ERCC1: variants seen among roughly 807,000 people sequenced by gnomAD.
The protein encoded by ERCC1 is DNA excision repair protein ERCC-1.
Under a neutral mutation model 37.6 loss-of-function variants are expected in ERCC1, and 36 were observed. The ratio of observed to expected loss-of-function variants is 0.96; its 90% CI spans 0.73 to 1.26. The LOEUF (loss-of-function observed/expected upper bound fraction) is 1.26. ERCC1 is among the 50% of genes most tolerant of loss of function. ERCC1 has a pLI of 0.00. For synonymous variants in ERCC1, 156 were observed against 162.1 expected (o/e 0.96, Z 0.28); for missense variants, 349 against 376.5 (o/e 0.93, Z 0.60).
intron 9 of ERCC1, among the ~76,000 whole-genome samples, chr19:45,411,020 C>CACCACGTTGGCCAGGCTGGTCTTT: frequency 6.6e-6 from 1 of 152,268 alleles, no homozygotes; most frequent in East Asian, 1.9e-4. Flanking sequence ...GACAAGGTTT[C>CACCACGTTGGCCAGGCTGGTCTTT]ACCACGTTGG....
chr19:45,414,074 G>A (rs775908462), intron 7 of ERCC1, 40 bp from the exon 8 acceptor site: 22 of 1,555,840 alleles, frequency 1.4e-5, no homozygotes, highest in African/African-American at 2.7e-5. Context: ...GAAGAAGAAA[G>A]GCCAGCAAGA....
intron 5 of ERCC1, among the ~76,000 whole-genome samples, chr19:45,417,464 A>G (rs1451880238): frequency 1.3e-5 from 2 of 152,210 alleles, no homozygotes; most frequent in Non-Finnish European, 2.9e-5. Flanking sequence ...GGAGACCAGA[A>G]AAGGGAATTC....
chr19:45,435,836 C>T (rs557734429), intron 1 of ERCC1, among the ~76,000 whole-genome samples: 1 of 152,288 alleles, frequency 6.6e-6, no homozygotes, highest in South Asian at 2.1e-4. Context: ...TCTTGGCTCA[C>T]TGCAACCTCT....
intron 1 of ERCC1, among the ~76,000 whole-genome samples, chr19:45,431,569 T>C (rs1317925436): frequency 6.6e-6 from 1 of 151,492 alleles, no homozygotes; most frequent in Non-Finnish European, 1.5e-5. Context: ...CCCAGCTACT[T>C]GGGAGGCTAA....
chr19:45,408,533 G>A lies in ERCC1; in HGVS notation c.*1142C>T, dbSNP rs752873305. 2 of 1,614,054 alleles carry A rather than the reference G, an allele frequency of 1.2e-6. No individual in the cohort carries two copies. The highest frequency in any genetic ancestry group is 1.1e-5 in the South Asian group (1 of 91,084). ...GGTGACAGAGGCCCCAGTCACTCAG[G>A]AGGCAGTGAATGGGCACGGGGCCCT... On this transcript the variant is annotated 3_prime_UTR_variant, in exon 10 of 10. Transcript: ENST00000300853.
At chr19:45,418,068 TA>T (rs927794645) in intron 5 of ERCC1, among the ~76,000 whole-genome samples, 8 of 147,192 alleles carry the variant, frequency 5.4e-5, no homozygotes, top group Non-Finnish European at 6.0e-5. Flanking sequence ...CTCTAAAAAT[TA>T]AAAAAAAAAA....
In ERCC1 at chr19:45,444,623, C is replaced by T. The variant is rs552761948; in HGVS notation, c.-7-21242G>A. Among the ~76,000 whole-genome samples the T allele has an allele frequency of 1.5e-3, 222 of 152,276 alleles. 1 individual carries two copies. In the Middle Eastern group the frequency reaches 0.017, roughly 12 times the overall value. On this transcript the variant is annotated intron_variant, in intron 1 of 8. Coordinates refer to the ERCC1 transcript ENST00000423698. ...AGAGGAGATACAGAGATCAGGGCCC[C>T]GGAGCAAGAAATTCGGAGACATGCG...
At chr19:45,416,076 A>G (rs996696077) in intron 6 of ERCC1, among the ~76,000 whole-genome samples, 2 of 152,176 alleles carry the variant, frequency 1.3e-5, no homozygotes, top group Non-Finnish European at 2.9e-5. Context: ...TTGAGGCTTC[A>G]GTAACCTGTG....
chr19:45,429,499 A>G (rs1168849224), intron 1 of ERCC1, among the ~76,000 whole-genome samples: 1 of 152,054 alleles, frequency 6.6e-6, no homozygotes, highest in African/African-American at 2.4e-5. Context: ...ATAAAGACAG[A>G]ATGGAGGACC....
chr19:45,423,456 C>CA, intron 1 of ERCC1, 75 bp from the exon 2 acceptor site: 1 of 1,533,664 alleles, frequency 6.5e-7, no homozygotes, highest in Non-Finnish European at 8.7e-7. Flanking sequence ...ACCCCCCACT[C>CA]ACAGCCGTCC....
chr19:45,414,252 G>A lies in ERCC1; in HGVS notation c.703-218C>T, dbSNP rs189281685. On this transcript the variant is annotated intron_variant, in intron 7 of 9. Coordinates refer to ENST00000300853, the MANE Select transcript of ERCC1 (RefSeq NM_001983.4). Reference sequence around the variant, plus strand: ...AGCACTTTCGAGGCCGAGGCGGGAGGATCACCTGAGGCCAGGAGTTCAAGA... The same window carrying A: ...AGCACTTTCGAGGCCGAGGCGGGAGAATCACCTGAGGCCAGGAGTTCAAGA... The A allele has an allele frequency of 5.4e-5, 32 of 595,826 alleles. No homozygotes were observed. In the African/African-American group the frequency reaches 5.9e-4, roughly 11 times the overall value. 36.9% of individuals were successfully genotyped at this position (595,826 alleles called of 1,614,324 possible). A position where few individuals can be genotyped will look rare whatever the true frequency, so the allele number is the denominator to read the frequency against.
chr19:45,436,407 A>T (rs1974978332), intron 1 of ERCC1, among the ~76,000 whole-genome samples: 1 of 152,088 alleles, frequency 6.6e-6, no homozygotes, highest in African/African-American at 2.4e-5. Context: ...CGGGCGGATC[A>T]CGAGGTCAAG....
At position 45,423,253 on chromosome 19, in the gene ERCC1, G is replaced by A. The variant is rs773573686; in HGVS notation, c.105+17C>T. On this transcript the variant is annotated intron_variant, in intron 2 of 9. Transcript: ENST00000300853. ...CAGCCCCCAGCCTCCCAGGGGCCCC[G>A]CATCTCCTTGTCCTACCACTCCAGG... The A allele has an allele frequency of 6.2e-7, 1 of 1,608,432 alleles. No homozygotes were observed. Among genetic ancestry groups the A allele is most frequent in the Non-Finnish European group, 8.5e-7 (1 of 1,177,450 alleles).
At chr19:45,440,228 C>T (rs965591419) in intron 1 of ERCC1, among the ~76,000 whole-genome samples, 2 of 151,430 alleles carry the variant, frequency 1.3e-5, no homozygotes, top group African/African-American at 4.9e-5. Context: ...CATCATAACT[C>T]CCCCCTCCCC....
Position 45,413,969 on chromosome 19 carries a change from T to A in ERCC1, c.768A>T (p.Thr256=), listed in dbSNP as rs918984898. ...CAGGGGAGCCATTCCTTACTCCAAA[T>A]GTGGTCAGGAGGGTCTGACTGTCCG... ...NKTDSQTLLT[T]FGSLEQLIAA... Residue 256 remains threonine (T), a synonymous_variant, in exon 8 of 10, where the codon ACA becomes ACT. Coordinates refer to ENST00000300853, the MANE Select transcript of ERCC1 (RefSeq NM_001983.4). The A allele has an allele frequency of 9.3e-6, 15 of 1,612,528 alleles. No homozygotes were observed. The African/African-American group carries it at 2.0e-4, about 22-fold the overall frequency.
At chr19:45,412,346 A>G (rs1233921169) in intron 9 of ERCC1, among the ~76,000 whole-genome samples, 1 of 151,724 alleles carries the variant, frequency 6.6e-6, no homozygotes, top group Non-Finnish European at 1.5e-5. Flanking sequence ...TTTAGTAGAG[A>G]TGGGGTTTCG....
In ERCC1 at chr19:45,420,471, T is replaced by C. The variant is rs2123514391; in HGVS notation, c.322-44A>G. On this transcript the variant is annotated intron_variant, in intron 3 of 9. Transcript: ENST00000300853. This position sits in a 1 kb window ranked among gnomAD's most constrained non-coding sequence, Gnocchi z 4.8. ...CAGAAGCCATCAATAGGGATGACCC[T>C]TGATAACCACAGGGCCCTCCTCCAC... The C allele has an allele frequency of 7.8e-7, 1 of 1,282,432 alleles. No individual in the cohort carries two copies. Among genetic ancestry groups the C allele is most frequent in the Non-Finnish European group, 1.1e-6 (1 of 887,850 alleles). The allele number at this position is 1,282,432 out of a possible 1,614,324, so 79.4% of individuals were successfully genotyped here. A position where few individuals can be genotyped will look rare whatever the true frequency, so the allele number is the denominator to read the frequency against.
At chr19:45,426,437 G>C (rs1243131812), upstream of ERCC1, among the ~76,000 whole-genome samples, 1 of 148,244 alleles carries the variant, frequency 6.7e-6, no homozygotes, top group Non-Finnish European at 1.5e-5. Context: ...TGTAATCCCA[G>C]CTACTCAGGA....
chr19:45,416,967 G>T lies in ERCC1; in HGVS notation c.526-70C>A. ...CAAAAATTAGCCAGGCGTGGTGGCA[G>T]GTGCCTGTAATCCCAGCTACTAGGG... On this transcript the variant is annotated intron_variant, in intron 5 of 9. Coordinates refer to ENST00000300853, the MANE Select transcript of ERCC1 (RefSeq NM_001983.4). The T allele has an allele frequency of 2.6e-6, 3 of 1,145,784 alleles. No individual in the cohort carries two copies. In the East Asian group the frequency reaches 7.1e-5, roughly 27 times the overall value. 71.0% of individuals were successfully genotyped at this position (1,145,784 alleles called of 1,614,324 possible).
Sources: gnomAD v4.1 joint callset for allele counts (sites outside exome capture counted in the v4.1 genomes callset) on GRCh38, gnomAD v4.1.1 for gene constraint, Gnocchi (gnomAD v3.1) non-coding constraint, MANE v1.5 for transcripts, NCBI Gene and HGNC (gene_info 2026-07-23, HGNC 2026-07-21) for gene names.